The following PCDHGB5 variants were observed in gnomAD, a reference collection of about 807,000 sequenced individuals.
The protein encoded by PCDHGB5 is protocadherin gamma subfamily B, 5.
Under a neutral mutation model 62.9 loss-of-function variants are expected in PCDHGB5, and 48 were observed. The observed-to-expected ratio is 0.76, with a 90% CI of 0.61 to 0.97. PCDHGB5 has a LOEUF of 0.97. Among genes scored for constraint, PCDHGB5 ranks in the 50% least tolerant of loss-of-function variants. The pLI is 0.00. For missense variants in PCDHGB5, 1,118 were observed against 1,198.6 expected (o/e 0.93, Z 0.99); for synonymous variants, 474 against 511.2 (o/e 0.93, Z 0.98).
intron 1 of PCDHGB5, among the ~76,000 whole-genome samples, chr5:141,456,859 A>C (rs2098893194): frequency 6.6e-6 from 1 of 152,152 alleles, no homozygotes; most frequent in Admixed American, 6.6e-5. Context: ...GCTAATTGGG[A>C]GGCTGAGGCA....
intron 1 of PCDHGB5, among the ~76,000 whole-genome samples, chr5:141,450,047 C>T (rs2098667027): frequency 2.2e-5 from 3 of 136,836 alleles, no homozygotes; most frequent in African/African-American, 8.5e-5. Flanking sequence ...CACTCTTTCG[C>T]CCAGGCTGGA....
At chr5:141,424,171 C>A in intron 1 of PCDHGB5, 1 of 226,338 alleles carries the variant, frequency 4.4e-6, no homozygotes, top group Non-Finnish European at 8.0e-6. Flanking sequence ...ATCTATCTAT[C>A]TATACACATG....
chr5:141,507,206 G>A (rs1392293998), intron 3 of PCDHGB5: 2 of 152,376 alleles, frequency 1.3e-5, no homozygotes, highest in African/African-American at 4.8e-5. Flanking sequence ...CCAGATCAGG[G>A]TTGCCAGATA....
rs768938171 is a variant in PCDHGB5 at position 141,487,276 on chromosome 5, C to T, written c.2398-7531C>T. ...TGGCTGTGTCCCTAGTGGCAATTTG[C>T]TTTGTCTCCTTTGGCTCATTCGTGG... On this transcript the variant is annotated intron_variant, in intron 1 of 3. Transcript: ENST00000617380. The surrounding 1 kb of genome is among the most constrained non-coding windows in gnomAD (Gnocchi z 5.0). The T allele has an allele frequency of 2.5e-6, 4 of 1,614,158 alleles. No homozygotes were observed. The East Asian group carries it at 8.9e-5, about 36-fold the overall frequency.
chr5:141,440,564 A>G (rs531383065), intron 1 of PCDHGB5: 1 of 152,248 alleles, frequency 6.6e-6, no homozygotes, highest in Admixed American at 6.5e-5. Context: ...TAAGTTACGT[A>G]TCTCTGAGTT....
At chr5:141,478,306 G>A (rs1316502939) in intron 1 of PCDHGB5, 2 of 1,614,056 alleles carry the variant, frequency 1.2e-6, no homozygotes, top group South Asian at 2.2e-5. Flanking sequence ...ACCGAGCCCC[G>A]GTGAGCTCAC....
intron 1 of PCDHGB5, chr5:141,423,665 G>A: frequency 6.6e-7 from 1 of 1,512,226 alleles, no homozygotes; most frequent in Non-Finnish European, 8.9e-7. Flanking sequence ...AATCAGGTGA[G>A]ATTTATTTCT....
Position 141,399,774 on chromosome 5 carries a change from C to A in PCDHGB5, c.1647C>A (p.Gly549=), listed in dbSNP as rs758550367. 1.2e-6 allele frequency: 2 copies of A among 1,613,116 alleles called. No individual in the cohort carries two copies. Among genetic ancestry groups the A allele is most frequent in the South Asian group, 2.2e-5 (2 of 91,044 alleles). The part of the protein sequence containing the change: ...SANVSLRVLV[G]DRNDNAPRVL... The stretch of plus-strand genomic sequence containing the variant: ...ACGTGAGCCTGCGCGTGTTGGTGGG[C>A]GACCGAAACGACAACGCACCGCGGG... The change falls in exon 1 of 4, where the codon GGC becomes GGA. Residue 549 remains glycine, a synonymous_variant. Transcript: ENST00000617380.
intron 3 of PCDHGB5, among the ~76,000 whole-genome samples, chr5:141,510,511 T>C (rs2099881465): frequency 6.6e-6 from 1 of 152,142 alleles, no homozygotes; most frequent in Non-Finnish European, 1.5e-5. Context: ...TGAGAGCCCG[T>C]GTCACAGCCC....
chr5:141,399,518 G>C lies in PCDHGB5; in HGVS notation c.1391G>C (p.Gly464Ala), dbSNP rs2093824828. Residue 464 changes from glycine to alanine, a missense_variant, in exon 1 of 4, where the codon GGG (glycine) becomes GCG (alanine). This residue lies in a region of PCDHGB5 where 1,034 missense variants were observed against 1,029.1 expected (regional missense o/e 1.00). Transcript: ENST00000617380. Reference sequence around the variant, plus strand: ...AGTGTACCCGAAAACAACCCTCCTGGGGCCTCCATCGCGCAAGTCTGCGCC... The same window carrying C: ...AGTGTACCCGAAAACAACCCTCCTGCGGCCTCCATCGCGCAAGTCTGCGCC... ...LVSVPENNPP[G>A]ASIAQVCASD... 1 of 1,613,994 alleles carries C rather than the reference G, an allele frequency of 6.2e-7. No homozygotes were observed.
rs1225025591 is a variant in PCDHGB5 at position 141,493,316 on chromosome 5, T to G, written c.2398-1491T>G. Among the ~76,000 whole-genome samples, 2 of 152,198 alleles carry G rather than the reference T, an allele frequency of 1.3e-5. No homozygotes were observed. The highest frequency in any genetic ancestry group is 2.1e-4 in the South Asian group (1 of 4,826). Reference sequence around the variant, plus strand: ...AGTTCACAGAGCAAGTAAGAGAGATTCTAACCCCTGTCTAACTCCAGAATG... The same window carrying G: ...AGTTCACAGAGCAAGTAAGAGAGATGCTAACCCCTGTCTAACTCCAGAATG... On this transcript the variant is annotated intron_variant, in intron 1 of 3. Coordinates refer to ENST00000617380, the MANE Select transcript of PCDHGB5 (RefSeq NM_018925.3). This position sits in a 1 kb window ranked among gnomAD's most constrained non-coding sequence, Gnocchi z 4.3.
rs765376157 is a variant in PCDHGB5 at position 141,486,033 on chromosome 5, A to G, written c.2398-8774A>G. 4.3e-6 allele frequency: 7 copies of G among 1,614,148 alleles called. No individual in the cohort carries two copies. The highest frequency in any genetic ancestry group is 5.9e-6 in the Non-Finnish European group (7 of 1,180,014). ...TTTTATTTCAGTGGTCATACCCCTG[A>G]TCGTGTAAGAAACCTCTTTAGCCTG... On this transcript the variant is annotated intron_variant, in intron 1 of 3. Transcript: ENST00000617380. This position sits in a 1 kb window ranked among gnomAD's most constrained non-coding sequence, Gnocchi z 5.0.
chr5:141,506,444 CAAAAAA>C (rs1219684339), intron 3 of PCDHGB5, among the ~76,000 whole-genome samples: 1 of 95,026 alleles, frequency 1.1e-5, no homozygotes, highest in African/African-American at 4.0e-5. Flanking sequence ...CGCTCTGTCT[CAAAAAA>C]AAAAAAAAAA....
At position 141,489,318 on chromosome 5, in the gene PCDHGB5, G is replaced by T; in HGVS notation, c.2398-5489G>T. On this transcript the variant is annotated intron_variant, in intron 1 of 3. Coordinates refer to ENST00000617380, the MANE Select transcript of PCDHGB5 (RefSeq NM_018925.3). The surrounding 1 kb of genome is among the most constrained non-coding windows in gnomAD (Gnocchi z 4.5). ...TGTTGTCCTTGTGCTGCTGGGGCTG[G>T]GTGTCTGGGCAGCTTCGTTACTCAG... The T allele has an allele frequency of 6.3e-7, 1 of 1,599,092 alleles. No homozygotes were observed. Among genetic ancestry groups the T allele is most frequent in the Non-Finnish European group, 8.5e-7 (1 of 1,171,660 alleles).
chr5:141,414,181 A>G, intron 1 of PCDHGB5: 2 of 1,609,294 alleles, frequency 1.2e-6, no homozygotes, highest in South Asian at 1.1e-5. Context: ...TGCAACTGCA[A>G]AAGTGTTGAT....
At chr5:141,413,444 C>T (rs2095641519) in intron 1 of PCDHGB5, 2 of 1,613,998 alleles carry the variant, frequency 1.2e-6, no homozygotes, top group Non-Finnish European at 1.7e-6. Context: ...AGCTTGATCA[C>T]CGCGGGCAGG....
intron 1 of PCDHGB5, chr5:141,415,515 G>C: frequency 6.2e-7 from 1 of 1,614,152 alleles, no homozygotes; most frequent in Non-Finnish European, 8.5e-7. Flanking sequence ...CCAATTATGC[G>C]GACACGCTCA....
chr5:141,501,311 AC>A (rs2099807696), intron 2 of PCDHGB5, among the ~76,000 whole-genome samples: 1 of 151,670 alleles, frequency 6.6e-6, no homozygotes, highest in Non-Finnish European at 1.5e-5. Context: ...ACACACACAC[AC>A]ACACACACAC....
intron 1 of PCDHGB5, among the ~76,000 whole-genome samples, chr5:141,488,463 C>T (rs926068842): frequency 6.6e-6 from 1 of 152,164 alleles, no homozygotes; most frequent in African/African-American, 2.4e-5. Flanking sequence ...GATTCAGCCC[C>T]AGAAATGTTC....
Sources: allele counts gnomAD v4.1 joint callset (sites outside exome capture counted in the v4.1 genomes callset), GRCh38; gene constraint gnomAD v4.1.1; regional missense constraint gnomAD v4.1.1; non-coding constraint Gnocchi (gnomAD v3.1); transcripts MANE v1.5; gene names NCBI Gene and HGNC (gene_info 2026-07-23, HGNC 2026-07-21).